The following GALNT17 variants were observed in gnomAD, a reference collection of about 807,000 sequenced individuals.
GALNT17 encodes the protein UDP-GalNAc:polypeptide N-acetylgalactosaminyltransferase-like 3.
In GALNT17, 29 loss-of-function variants were observed where a neutral mutation model predicts 63.7. That is an observed-to-expected ratio of 0.46 (90% CI 0.34 to 0.62). The LOEUF (loss-of-function observed/expected upper bound fraction) is 0.62, where lower values mean the gene tolerates loss of function less well. Ranked by LOEUF, GALNT17 falls within the 20% of genes least tolerant of loss-of-function variation. The pLI is 0.01. For missense variants in GALNT17, 603 were observed against 799.6 expected (o/e 0.75, Z 2.97); for synonymous variants, 305 against 318.3 (o/e 0.96, Z 0.45).
chr7:71,168,700 C>T (rs1417341597), intron 1 of GALNT17, among the ~76,000 whole-genome samples: 2 of 83,272 alleles, frequency 2.4e-5, no homozygotes, highest in Non-Finnish European at 4.5e-5. Flanking sequence ...CACATAGTTA[C>T]GTGTATGTGT....
chr7:71,306,670 A>C (rs1791304864), intron 1 of GALNT17, among the ~76,000 whole-genome samples: 1 of 152,166 alleles, frequency 6.6e-6, no homozygotes, highest in Admixed American at 6.5e-5. Flanking sequence ...CAAAAAACAG[A>C]AATTACTTTT....
rs148648072 is a variant in GALNT17 at position 71,518,530 on chromosome 7, C to A, written c.963-52755C>A. On this transcript the variant is annotated intron_variant, in intron 5 of 10. Coordinates refer to ENST00000333538, the MANE Select transcript of GALNT17 (RefSeq NM_022479.3). ...GATGCCATTAATCACGCAAGAGACA[C>A]GAGTCCAGCAGCAGTTACTAAAATC... Among the ~76,000 whole-genome samples the A allele has an allele frequency of 1.8e-3, 274 of 152,264 alleles. 2 individuals carry two copies. Among genetic ancestry groups the A allele is most frequent in the African/African-American group, 6.2e-3 (258 of 41,560 alleles).
intron 1 of GALNT17, among the ~76,000 whole-genome samples, chr7:71,155,591 C>A (rs1213054049): frequency 6.6e-6 from 1 of 151,358 alleles, no homozygotes; most frequent in Admixed American, 6.6e-5. Flanking sequence ...TTTTAAAATT[C>A]TTTTTTCTTC....
chr7:71,701,518 A>G (rs1024043553), intron 9 of GALNT17, among the ~76,000 whole-genome samples: 8 of 151,892 alleles, frequency 5.3e-5, no homozygotes, highest in African/African-American at 1.9e-4. Context: ...ATGACATTTA[A>G]GCAGAAACTT....
intron 5 of GALNT17, among the ~76,000 whole-genome samples, chr7:71,525,062 G>A (rs1439368569): frequency 6.6e-6 from 1 of 152,172 alleles, no homozygotes; most frequent in Non-Finnish European, 1.5e-5. Flanking sequence ...ATTTTATTAA[G>A]TTGGTGCAAA....
chr7:71,561,459 G>A (rs1456368902), intron 5 of GALNT17, among the ~76,000 whole-genome samples: 4 of 152,130 alleles, frequency 2.6e-5, no homozygotes, highest in Non-Finnish European at 5.9e-5. Flanking sequence ...TGAGTGTTTT[G>A]CACGTGGGAC....
intron 1 of GALNT17, among the ~76,000 whole-genome samples, chr7:71,285,557 T>C (rs1346356183): frequency 2.0e-5 from 3 of 152,234 alleles, no homozygotes; most frequent in Non-Finnish European, 4.4e-5. Context: ...GTTGAAATTG[T>C]AACCTCCACA....
At chr7:71,261,964 C>T (rs909545191) in intron 1 of GALNT17, among the ~76,000 whole-genome samples, 2 of 152,070 alleles carry the variant, frequency 1.3e-5, no homozygotes, top group Admixed American at 6.5e-5. Flanking sequence ...TCCCGGGAGC[C>T]GTGAGCACTG....
At chr7:71,281,516 G>A (rs764906936) in intron 1 of GALNT17, among the ~76,000 whole-genome samples, 17 of 152,176 alleles carry the variant, frequency 1.1e-4, no homozygotes, top group Non-Finnish European at 1.9e-4. Context: ...TTTCTCATGT[G>A]CTATGATGTC....
At chr7:71,138,159 C>G (rs1226200062) in intron 1 of GALNT17, among the ~76,000 whole-genome samples, 9 of 152,058 alleles carry the variant, frequency 5.9e-5, no homozygotes, top group Non-Finnish European at 1.5e-5. Context: ...CCAACCTGGG[C>G]AACACAGCAA....
At chr7:71,479,963 CCTCTGGAGT>C (rs1787787159) in intron 5 of GALNT17, among the ~76,000 whole-genome samples, 1 of 152,070 alleles carries the variant, frequency 6.6e-6, no homozygotes, top group African/African-American at 2.4e-5. Flanking sequence ...TTTTGCTCAG[CCTCTGGAGT>C]AAACCCCATC....
At chr7:71,698,729 G>T (rs1791581248) in intron 9 of GALNT17, among the ~76,000 whole-genome samples, 1 of 151,984 alleles carries the variant, frequency 6.6e-6, no homozygotes, top group Non-Finnish European at 1.5e-5. Context: ...CAAACAGAAA[G>T]CACAAAGAGA....
intron 5 of GALNT17, among the ~76,000 whole-genome samples, chr7:71,437,819 A>G (rs755088979): frequency 1.3e-5 from 2 of 152,232 alleles, no homozygotes; most frequent in Non-Finnish European, 1.5e-5. Flanking sequence ...GGCTCAAGCA[A>G]TCTTCCCACC....
chr7:71,169,647 T>C (rs1019019312), intron 1 of GALNT17, among the ~76,000 whole-genome samples: 3 of 152,278 alleles, frequency 2.0e-5, no homozygotes, highest in Non-Finnish European at 1.5e-5. Context: ...CCTTGACATC[T>C]TGGGCTCAAG....
At chr7:71,617,853 G>A (rs1790237657) in intron 6 of GALNT17, among the ~76,000 whole-genome samples, 1 of 151,782 alleles carries the variant, frequency 6.6e-6, no homozygotes, top group African/African-American at 2.4e-5. Context: ...CACCATATTA[G>A]CCAGACTGGT....
At chr7:71,244,602 G>A (rs995006997) in intron 1 of GALNT17, among the ~76,000 whole-genome samples, 7 of 152,150 alleles carry the variant, frequency 4.6e-5, no homozygotes, top group Non-Finnish European at 8.8e-5. Flanking sequence ...GAGATTACGT[G>A]ACAACTTTGT....
intron 2 of GALNT17, among the ~76,000 whole-genome samples, chr7:71,348,260 C>CAA (rs35041703): frequency 1.5e-5 from 2 of 137,162 alleles, no homozygotes; most frequent in African/African-American, 5.2e-5. Flanking sequence ...GACTCTGTCT[C>CAA]AAAAAAAAAA....
At chr7:71,521,617 C>G (rs1369266343) in intron 5 of GALNT17, among the ~76,000 whole-genome samples, 1 of 152,212 alleles carries the variant, frequency 6.6e-6, no homozygotes, top group Non-Finnish European at 1.5e-5. Context: ...CAGCTGTCGA[C>G]TTACACTGCT....
At chr7:71,342,986 C>T (rs1792032036) in intron 2 of GALNT17, among the ~76,000 whole-genome samples, 1 of 152,212 alleles carries the variant, frequency 6.6e-6, no homozygotes, top group South Asian at 2.1e-4. Flanking sequence ...ATTATTCTGG[C>T]CACTATGTGT....
Sources: allele counts gnomAD v4.1 joint callset (sites outside exome capture counted in the v4.1 genomes callset), GRCh38; gene constraint gnomAD v4.1.1; transcripts MANE v1.5; gene names NCBI Gene and HGNC (gene_info 2026-07-23, HGNC 2026-07-21).